Variants in UBE3A observed in about 807,000 individuals in gnomAD.
UBE3A encodes ubiquitin-protein ligase E3A.
Under a neutral mutation model 83.4 loss-of-function variants are expected in UBE3A, and 6 were observed. The ratio of observed to expected loss-of-function variants is 0.07; its 90% confidence interval spans 0.04 to 0.14. The LOEUF (loss-of-function observed/expected upper bound fraction) is 0.14, where lower values mean the gene tolerates loss of function less well. UBE3A is among the 10% of genes least tolerant of loss of function. UBE3A has a pLI of 1.00. For synonymous variants in UBE3A, 337 were observed against 355.4 expected, an observed-to-expected ratio of 0.95 and a Z score of 0.58; for missense variants, 456 against 1,036.1, an observed-to-expected ratio of 0.44 and a Z score of 7.69.
In UBE3A at chr15:25,334,709, G is replaced by A. The variant is rs2073877899; in HGVS notation, c.*4428C>T. 6.6e-6 allele frequency: 1 copy of A among 152,022 alleles called. No individual in the cohort carries two copies. The highest frequency in any genetic ancestry group is 6.5e-5 in the Admixed American group (1 of 15,272). The allele number at this position is 152,022 out of a possible 1,614,324, so 9.4% of individuals were successfully genotyped here. ...GTGCTGGTATAACGACAGACATATAGGGCAATGGAGTAAGACTGAGAATCC... is the reference window on the plus strand; with the variant it reads ...GTGCTGGTATAACGACAGACATATAAGGCAATGGAGTAAGACTGAGAATCC... On this transcript the variant is annotated 3_prime_UTR_variant, in exon 13 of 13. Transcript: ENST00000648336.
chr15:25,374,432 T>C (rs955179912), intron 5 of UBE3A: 8 of 152,252 alleles, frequency 5.3e-5, no homozygotes, highest in Admixed American at 5.2e-4. Context: ...CTGTGTACAA[T>C]AAAGTCAATG....
chr15:25,412,918 G>A (rs563656409), intron 1 of UBE3A: 5 of 379,396 alleles, frequency 1.3e-5, no homozygotes, highest in South Asian at 9.8e-5. Context: ...TTCATTCAGT[G>A]CATGAAGTAG....
chr15:25,338,228 T>TAAACA lies in UBE3A; in HGVS notation c.*904_*908dup, dbSNP rs780740661. 10 of 152,136 alleles carry TAAACA rather than the reference T, an allele frequency of 6.6e-5. 1 individual carries two copies. The highest frequency in any genetic ancestry group is 2.4e-4 in the African/African-American group (10 of 41,440). The allele number at this position is 152,136 out of a possible 1,614,324, so 9.4% of individuals were successfully genotyped here. ...ACTTTCACATGCTTTTTGTTTATAA[T>TAAACA]AAACAAACAACAAACTTCCTAACTT... On this transcript the variant is annotated 3_prime_UTR_variant, in exon 13 of 13. Coordinates refer to ENST00000648336, the MANE Select transcript of UBE3A (RefSeq NM_130839.5).
chr15:25,396,898 A>C (rs533002213), intron 4 of UBE3A, among the ~76,000 whole-genome samples: 140 of 152,332 alleles, frequency 9.2e-4, no homozygotes, highest in African/African-American at 3.2e-3. Context: ...GATGCATTCA[A>C]GGCGTTACTT....
intron 12 of UBE3A, 157 bp downstream of exon 12, chr15:25,339,926 CAA>C: frequency 9.9e-7 from 1 of 1,007,366 alleles, no homozygotes; most frequent in Non-Finnish European, 1.5e-6. Flanking sequence ...TTTCCTCACA[CAA>C]TGACAGCAAA....
intron 4 of UBE3A, among the ~76,000 whole-genome samples, chr15:25,401,680 C>CT (rs1190688241): frequency 2.0e-5 from 3 of 152,030 alleles, no homozygotes; most frequent in Non-Finnish European, 2.9e-5. Flanking sequence ...TGAGTCATCT[C>CT]TTTTTTTCTT....
Position 25,334,979 on chromosome 15 carries a change from G to A in UBE3A, c.*4158C>T, listed in dbSNP as rs2073889223. On this transcript the variant is annotated 3_prime_UTR_variant, in exon 13 of 13. Coordinates refer to ENST00000648336, the MANE Select transcript of UBE3A (RefSeq NM_130839.5). ...AAGATGGAGGTAATAACATGTGAAA[G>A]GCAAAATGGTTTGTTTTTTTTTTTA... 6.7e-6 allele frequency: 1 copy of A among 150,058 alleles called. No individual in the cohort carries two copies. The highest frequency in any genetic ancestry group is 1.5e-5 in the Non-Finnish European group (1 of 67,916). 9.3% of individuals were successfully genotyped at this position (150,058 alleles called of 1,614,324 possible). A position where few individuals can be genotyped will look rare whatever the true frequency, so the allele number is the denominator to read the frequency against.
chr15:25,387,394 C>T lies in UBE3A; in HGVS notation c.63-11631G>A, dbSNP rs185403859. ...AAAATTAGCCACACGTGGTGGCAGG[C>T]GCCTGTAGTCCCAGCTACTTGGGAG... On this transcript the variant is annotated intron_variant, in intron 4 of 12. Coordinates refer to ENST00000648336, the MANE Select transcript of UBE3A (RefSeq NM_130839.5). Among the ~76,000 whole-genome samples the T allele has an allele frequency of 1.5e-3, 226 of 152,064 alleles. 1 individual carries two copies. The highest frequency in any genetic ancestry group is 5.6e-3 in the East Asian group (29 of 5,164).
chr15:25,416,894 G>C (rs1325840893), intron 1 of UBE3A, among the ~76,000 whole-genome samples: 6 of 152,104 alleles, frequency 3.9e-5, no homozygotes, highest in Non-Finnish European at 2.9e-5. Context: ...GCAGTCAATG[G>C]AGGGGAAATC....
Position 25,336,887 on chromosome 15 carries a change from T to C in UBE3A, c.*2250A>G, listed in dbSNP as rs1373330089. 4.6e-5 allele frequency: 7 copies of C among 152,062 alleles called. No homozygotes were observed. Among genetic ancestry groups the C allele is most frequent in the African/African-American group, 1.7e-4 (7 of 41,412 alleles). 9.4% of individuals were successfully genotyped at this position (152,062 alleles called of 1,614,324 possible). Reference sequence around the variant, plus strand: ...AAAAAAGTACTTTTATAACATAACATTTGGGGTAGAGGAAGTATCCACTGT... The same window carrying C: ...AAAAAAGTACTTTTATAACATAACACTTGGGGTAGAGGAAGTATCCACTGT... On this transcript the variant is annotated 3_prime_UTR_variant, in exon 13 of 13. Transcript: ENST00000648336.
At chr15:25,361,076 C>A (rs978744467) in intron 6 of UBE3A, among the ~76,000 whole-genome samples, 2 of 151,722 alleles carry the variant, frequency 1.3e-5, no homozygotes, top group Non-Finnish European at 2.9e-5. Flanking sequence ...CATCTTATAT[C>A]CACATTTCCT....
At chr15:25,395,537 A>AG in intron 4 of UBE3A, among the ~76,000 whole-genome samples, 1 of 152,306 alleles carries the variant, frequency 6.6e-6, no homozygotes, top group African/African-American at 2.4e-5. Flanking sequence ...GATGCTTCCA[A>AG]GGCTTCTGGC....
intron 4 of UBE3A, among the ~76,000 whole-genome samples, chr15:25,383,714 T>C (rs1363771563): frequency 6.6e-6 from 1 of 152,176 alleles, no homozygotes; most frequent in Non-Finnish European, 1.5e-5. Context: ...AGGCCATATA[T>C]AGAAAGACCA....
intron 6 of UBE3A, among the ~76,000 whole-genome samples, chr15:25,362,551 C>A (rs2078289901): frequency 6.6e-6 from 1 of 152,156 alleles, no homozygotes; most frequent in African/African-American, 2.4e-5. Flanking sequence ...CTCTGAACAA[C>A]AGATTTGCAA....
rs2073903699 is a variant in UBE3A at position 25,335,194 on chromosome 15, C to G, written c.*3943G>C. ...AATGTACCCCATTATGCTGTGCTAC[C>G]ACGGAAGCATTGGAGGCACTTTGGG... On this transcript the variant is annotated 3_prime_UTR_variant, in exon 13 of 13. Coordinates refer to ENST00000648336, the MANE Select transcript of UBE3A (RefSeq NM_130839.5). 6.6e-6 allele frequency: 1 copy of G among 152,274 alleles called. No homozygotes were observed. Among genetic ancestry groups the G allele is most frequent in the African/African-American group, 2.4e-5 (1 of 41,546 alleles). 9.4% of individuals were successfully genotyped at this position (152,274 alleles called of 1,614,324 possible).
intron 2 of UBE3A, 95 bp from the exon 3 acceptor site, chr15:25,409,302 C>T (rs1382996899): frequency 2.2e-6 from 1 of 457,488 alleles, no homozygotes; most frequent in East Asian, 3.3e-5. Flanking sequence ...AATTAGGTGT[C>T]AATGTAAAAT....
chr15:25,370,375 C>T lies in UBE3A; in HGVS notation c.1608+191G>A, dbSNP rs532263423. ...TAGCATGACCATTATATAATACAAC[C>T]GATACTTTGTAGAACACATCTATAA... On this transcript the variant is annotated intron_variant, in intron 6 of 12. Transcript: ENST00000648336. This position sits in a 1 kb window ranked among gnomAD's most constrained non-coding sequence, Gnocchi z 4.2. Among the ~76,000 whole-genome samples, 10 of 152,188 alleles carry T rather than the reference C, an allele frequency of 6.6e-5. No homozygotes were observed. The highest frequency in any genetic ancestry group is 1.0e-4 in the Non-Finnish European group (7 of 68,006).
rs1566812559 is a variant in UBE3A at position 25,338,334 on chromosome 15, A to ATCCCT, written c.*802_*803insAGGGA. On this transcript the variant is annotated 3_prime_UTR_variant, in exon 13 of 13. Transcript: ENST00000648336. ...ACTTAAAACAACAACGAGAACAACA[A>ATCCCT]GAACAAAAATCCCTGTCCTTTCATA... 6.7e-6 allele frequency: 1 copy of ATCCCT among 149,916 alleles called. No homozygotes were observed. The highest frequency in any genetic ancestry group is 7.0e-5 in the Admixed American group (1 of 14,266). 9.3% of individuals were successfully genotyped at this position (149,916 alleles called of 1,614,324 possible). A position where few individuals can be genotyped will look rare whatever the true frequency, so the allele number is the denominator to read the frequency against.
rs1443886888 is a variant in UBE3A, at chr15:25,370,842, T to C, written c.1332A>G (p.Glu444=). 1 of 1,614,128 alleles carries C rather than the reference T, an allele frequency of 6.2e-7. No individual in the cohort carries two copies. The highest frequency in any genetic ancestry group is 1.1e-5 in the South Asian group (1 of 91,080). The part of the protein sequence containing the change: ...LDCRKPLIPF[E]EFINEPLNEV... ...CATTCAGTGGTTCATTAATAAACTC[T>C]TCAAAAGGGATAAGTGGTTTTCGAC... is the stretch of plus-strand genomic sequence containing the variant. The change falls in exon 6 of 13, where the codon GAA becomes GAG. Residue 444 remains glutamate (E), a synonymous_variant. Coordinates refer to ENST00000648336, the MANE Select transcript of UBE3A (RefSeq NM_130839.5). The surrounding 1 kb of genome is among the most constrained non-coding windows in gnomAD (Gnocchi z 4.2).
Sources: gnomAD v4.1 joint callset for allele counts (sites outside exome capture counted in the v4.1 genomes callset) on GRCh38, gnomAD v4.1.1 for gene constraint, Gnocchi (gnomAD v3.1) non-coding constraint, MANE v1.5 for transcripts, NCBI Gene and HGNC (gene_info 2026-07-23, HGNC 2026-07-21) for gene names.